ARHGEF4: variants seen among roughly 807,000 people sequenced by gnomAD.
The protein encoded by ARHGEF4 is Rho guanine nucleotide exchange factor 4, also known as APC-stimulated guanine nucleotide exchange factor 1.
In ARHGEF4, 119 loss-of-function variants were observed where a neutral mutation model predicts 162.0. That is an observed-to-expected ratio of 0.73 (90% confidence interval 0.63 to 0.86). The LOEUF is 0.86. Among genes scored for constraint, ARHGEF4 ranks in the 40% least tolerant of loss-of-function variants. The probability of loss-of-function intolerance (pLI) is 0.00; values close to 1 mark genes in which losing one functional copy is unlikely to be tolerated. For missense variants in ARHGEF4, 2,488 were observed against 2,456.0 expected (o/e 1.01, Z -0.28); for synonymous variants, 1,014 against 979.9 (o/e 1.03, Z -0.65).
At chr2:130,885,518 G>A (rs34735715) in intron 1 of ARHGEF4, among the ~76,000 whole-genome samples, 1 of 151,168 alleles carries the variant, frequency 6.6e-6, no homozygotes, top group Non-Finnish European at 1.5e-5. Flanking sequence ...TGTAGTGGAG[G>A]GGGGTGAGGG....
rs1691043616 is a variant in ARHGEF4 at position 131,044,151 on chromosome 2, A to G, written c.5158-148A>G. 9 of 1,217,148 alleles carry G rather than the reference A, an allele frequency of 7.4e-6. No individual in the cohort carries two copies. In the Admixed American group the frequency reaches 2.1e-4, roughly 28 times the overall value. The allele number at this position is 1,217,148 out of a possible 1,614,324, so 75.4% of individuals were successfully genotyped here. A position where few individuals can be genotyped will look rare whatever the true frequency, so the allele number is the denominator to read the frequency against. On this transcript the variant is annotated intron_variant, in intron 11 of 13. Coordinates refer to ENST00000409359, the MANE Select transcript of ARHGEF4 (RefSeq NM_001367493.1). ...AGCATGTCTGTGGGCTGCAGAAGGCATGCTCTGCCCTCAGGATCTCACTGT... is the reference window on the plus strand; with the variant it reads ...AGCATGTCTGTGGGCTGCAGAAGGCGTGCTCTGCCCTCAGGATCTCACTGT...
At chr2:130,857,146 G>T (rs113981133) in intron 1 of ARHGEF4, among the ~76,000 whole-genome samples, 7 of 152,276 alleles carry the variant, frequency 4.6e-5, no homozygotes, top group African/African-American at 1.4e-4. Context: ...GCAGAAGAAT[G>T]GCATGAACCC....
intron 5 of ARHGEF4, 28 bp from the exon 6 acceptor site, chr2:131,038,825 A>C (rs751735261): frequency 6.3e-7 from 1 of 1,581,536 alleles, no homozygotes; most frequent in Admixed American, 1.7e-5. Flanking sequence ...TCCCCCACTG[A>C]CCCGCCTGCC....
chr2:130,878,662 C>T (rs1003035809), intron 1 of ARHGEF4, among the ~76,000 whole-genome samples: 16 of 152,208 alleles, frequency 1.1e-4, no homozygotes, highest in Non-Finnish European at 2.9e-5. Context: ...CACATATGTG[C>T]AGGGATACTC....
At chr2:130,992,905 A>G (rs1414167952) in intron 4 of ARHGEF4, among the ~76,000 whole-genome samples, 2 of 152,186 alleles carry the variant, frequency 1.3e-5, no homozygotes, top group Non-Finnish European at 2.9e-5. Context: ...CCAGCATGGC[A>G]AAACGCCGTC....
intron 1 of ARHGEF4, among the ~76,000 whole-genome samples, chr2:130,850,712 C>T (rs551707900): frequency 1.3e-5 from 2 of 152,198 alleles, no homozygotes; most frequent in African/African-American, 4.8e-5. Context: ...CAGATGCCCT[C>T]GTGATGGGGC....
At chr2:130,976,846 C>T (rs1466483086) in intron 4 of ARHGEF4, among the ~76,000 whole-genome samples, 1 of 151,658 alleles carries the variant, frequency 6.6e-6, no homozygotes, top group Non-Finnish European at 1.5e-5. Context: ...GTATGTTTGG[C>T]GTGTTTGTGG....
chr2:130,912,503 GTGTT>G (rs748310720), intron 1 of ARHGEF4, among the ~76,000 whole-genome samples: 1 of 152,208 alleles, frequency 6.6e-6, no homozygotes, highest in Non-Finnish European at 1.5e-5. Flanking sequence ...GCTTTGGTGT[GTGTT>G]TGTTTTCCTT....
chr2:130,944,800 T>C (rs563425131), intron 3 of ARHGEF4, among the ~76,000 whole-genome samples: 2 of 152,202 alleles, frequency 1.3e-5, no homozygotes, highest in Non-Finnish European at 2.9e-5. Context: ...CTCATAGTTC[T>C]TTGTGTGTCA....
intron 2 of ARHGEF4, among the ~76,000 whole-genome samples, chr2:130,919,026 G>T (rs1010473485): frequency 7.2e-5 from 11 of 152,190 alleles, no homozygotes; most frequent in African/African-American, 2.7e-4. Flanking sequence ...GCAGTTTGGG[G>T]AGAGGGAATT....
chr2:130,850,443 C>G (rs1421183945), intron 1 of ARHGEF4, among the ~76,000 whole-genome samples: 1 of 152,228 alleles, frequency 6.6e-6, no homozygotes, highest in Non-Finnish European at 1.5e-5. Flanking sequence ...TCTGCTCCCT[C>G]CATGAGCCCA....
intron 1 of ARHGEF4, among the ~76,000 whole-genome samples, chr2:130,853,486 C>A (rs1317820232): frequency 6.6e-6 from 1 of 152,328 alleles, no homozygotes; most frequent in South Asian, 2.1e-4. Context: ...GCAAAGCACA[C>A]GGCCAGTCTT....
Position 130,914,614 on chromosome 2 carries a change from G to T in ARHGEF4, c.668G>T (p.Gly223Val). Residue 223 changes from glycine (G) to valine (V), a missense_variant, in exon 2 of 14, where the codon GGC (glycine) becomes GTC (valine). Physicochemically the swap from Gly to Val is moderately radical, Grantham distance 109. Coordinates refer to ENST00000409359, the MANE Select transcript of ARHGEF4 (RefSeq NM_001367493.1). ...LQKSRSESYL[G>V]IPVVWPFLLW... ...AAATCCAGGTCTGAGAGCTATCTGG[G>T]CATCCCAGTGGTCTGGCCCTTCCTT... 1 of 1,391,628 alleles carries T rather than the reference G, an allele frequency of 7.2e-7. No individual in the cohort carries two copies. The highest frequency in any genetic ancestry group is 1.8e-5 in the South Asian group (1 of 54,390). The allele number at this position is 1,391,628 out of a possible 1,614,324, so 86.2% of individuals were successfully genotyped here.
intron 4 of ARHGEF4, among the ~76,000 whole-genome samples, chr2:130,949,450 T>A (rs1683818938): frequency 1.3e-5 from 2 of 152,132 alleles, no homozygotes; most frequent in African/African-American, 4.8e-5. Flanking sequence ...ACCTCCTGGG[T>A]TCACGCCATT....
At chr2:130,900,774 T>C (rs1680439624) in intron 1 of ARHGEF4, among the ~76,000 whole-genome samples, 1 of 152,220 alleles carries the variant, frequency 6.6e-6, no homozygotes, top group Non-Finnish European at 1.5e-5. Context: ...GTAGACATTC[T>C]GGATCTTATG....
intron 3 of ARHGEF4, among the ~76,000 whole-genome samples, chr2:130,939,694 T>A (rs1683175497): frequency 6.6e-6 from 1 of 152,264 alleles, no homozygotes; most frequent in Admixed American, 6.5e-5. Flanking sequence ...GTCATCTTCA[T>A]TATGTTTTGT....
At chr2:130,906,754 G>A (rs553596433) in intron 1 of ARHGEF4, among the ~76,000 whole-genome samples, 8 of 152,188 alleles carry the variant, frequency 5.3e-5, no homozygotes, top group African/African-American at 1.9e-4. Flanking sequence ...ATTCTCTAAA[G>A]TTCCTTAGGT....
chr2:130,890,472 G>A (rs1679796211), intron 1 of ARHGEF4, among the ~76,000 whole-genome samples: 1 of 151,704 alleles, frequency 6.6e-6, no homozygotes, highest in South Asian at 2.1e-4. Context: ...TGAGGCAGGA[G>A]AATTGCTTGA....
At chr2:131,041,657 A>C (rs532494287) in intron 9 of ARHGEF4, 158 bp from the exon 10 acceptor site, 3 of 1,207,114 alleles carry the variant, frequency 2.5e-6, no homozygotes. Context: ...TGTGCTTGCC[A>C]TTTATGGAGA....
Sources: gnomAD v4.1 joint callset for allele counts (sites outside exome capture counted in the v4.1 genomes callset) on GRCh38, gnomAD v4.1.1 for gene constraint, MANE v1.5 for transcripts, NCBI Gene and HGNC (gene_info 2026-07-23, HGNC 2026-07-21) for gene names.